The following COL19A1 variants were observed in gnomAD, a reference collection of about 807,000 sequenced individuals.
COL19A1 encodes collagen alpha-1(XIX) chain.
COL19A1 carries 159 observed loss-of-function variants against 190.2 expected under a neutral mutation model. That is an observed-to-expected ratio of 0.84 (90% CI 0.73 to 0.95). The LOEUF (loss-of-function observed/expected upper bound fraction) is 0.95, where lower values mean the gene tolerates loss of function less well. COL19A1 is among the 40% of genes least tolerant of loss of function. The pLI, the probability that COL19A1 is intolerant of heterozygous loss-of-function variation, is 0.00. For synonymous variants in COL19A1, 509 were observed against 458.9 expected, an observed-to-expected ratio of 1.11 and a Z score of -1.39; for missense variants, 1,418 against 1,431.9, an observed-to-expected ratio of 0.99 and a Z score of 0.16.
At chr6:69,880,959 T>C (rs929163592) in intron 2 of COL19A1, among the ~76,000 whole-genome samples, 1 of 152,210 alleles carries the variant, frequency 6.6e-6, no homozygotes, top group African/African-American at 2.4e-5. Context: ...GAAGGAAGAA[T>C]GAATCTTTGG....
chr6:70,146,987 A>G (rs1190840782), intron 27 of COL19A1, 98 bp downstream of exon 27: 1 of 1,060,930 alleles, frequency 9.4e-7, no homozygotes. Context: ...AAGGTCAGAG[A>G]CGGAAATACA....
intron 11 of COL19A1, among the ~76,000 whole-genome samples, chr6:69,966,312 G>A (rs1214815460): frequency 5.9e-5 from 9 of 152,142 alleles, no homozygotes; most frequent in Non-Finnish European, 4.4e-5. Flanking sequence ...TGACGATGGC[G>A]GTTTTGTGAA....
At chr6:70,166,436 T>G (rs932844189) in intron 37 of COL19A1, among the ~76,000 whole-genome samples, 7 of 152,224 alleles carry the variant, frequency 4.6e-5, no homozygotes, top group Non-Finnish European at 1.5e-5. Flanking sequence ...ATGTAGCTCT[T>G]AGTGAACAAA....
intron 11 of COL19A1, among the ~76,000 whole-genome samples, chr6:70,002,090 A>T (rs1391308984): frequency 3.9e-5 from 6 of 152,102 alleles, no homozygotes; most frequent in Non-Finnish European, 1.5e-5. Context: ...GTTGAATTTT[A>T]TCAAAAGCCA....
At chr6:69,985,449 CAG>C (rs1405443604) in intron 11 of COL19A1, among the ~76,000 whole-genome samples, 3 of 152,024 alleles carry the variant, frequency 2.0e-5, no homozygotes, top group Non-Finnish European at 4.4e-5. Flanking sequence ...AGAGATGACT[CAG>C]AGACTTTTCA....
At chr6:70,028,648 G>A (rs1435204615) in intron 12 of COL19A1, among the ~76,000 whole-genome samples, 1 of 152,152 alleles carries the variant, frequency 6.6e-6, no homozygotes, top group African/African-American at 2.4e-5. Flanking sequence ...GGAAAAACAA[G>A]AGAAGGTTAG....
chr6:69,933,874 A>G (rs1464543727), intron 7 of COL19A1, among the ~76,000 whole-genome samples: 1 of 152,120 alleles, frequency 6.6e-6, no homozygotes, highest in East Asian at 1.9e-4. Flanking sequence ...AAAAAGATAA[A>G]TGGGACAGAA....
At chr6:70,046,750 C>G (rs753953689) in intron 14 of COL19A1, among the ~76,000 whole-genome samples, 1 of 152,040 alleles carries the variant, frequency 6.6e-6, no homozygotes, top group Non-Finnish European at 1.5e-5. Flanking sequence ...CATTTCTCAG[C>G]AACTTGTTAA....
intron 15 of COL19A1, among the ~76,000 whole-genome samples, chr6:70,096,642 T>A (rs990199739): frequency 6.6e-6 from 1 of 152,206 alleles, no homozygotes; most frequent in African/African-American, 2.4e-5. Flanking sequence ...AATGAGCATT[T>A]TATTCTCAAA....
At chr6:70,135,981 T>A (rs1006513871) in intron 18 of COL19A1, among the ~76,000 whole-genome samples, 1 of 152,202 alleles carries the variant, frequency 6.6e-6, no homozygotes, top group African/African-American at 2.4e-5. Context: ...CTAGGCTGCA[T>A]GACTTGCAGT....
intron 2 of COL19A1, among the ~76,000 whole-genome samples, chr6:69,881,929 T>C (rs748986780): frequency 3.9e-5 from 6 of 152,230 alleles, no homozygotes; most frequent in Non-Finnish European, 5.9e-5. Flanking sequence ...TCTTGTGTCT[T>C]GTGTATCTGG....
chr6:70,206,708 T>A (rs769810112), intron 49 of COL19A1, among the ~76,000 whole-genome samples, 193 bp from the exon 50 acceptor site: 1 of 151,980 alleles, frequency 6.6e-6, no homozygotes, highest in Non-Finnish European at 1.5e-5. Flanking sequence ...AAGATCCTCA[T>A]TGCCCTATTA....
At chr6:69,961,085 G>A (rs1774772315) in intron 10 of COL19A1, among the ~76,000 whole-genome samples, 1 of 152,154 alleles carries the variant, frequency 6.6e-6, no homozygotes, top group Non-Finnish European at 1.5e-5. Context: ...CCCGCCGCAG[G>A]AGAGAGCATT....
chr6:70,111,739 C>T (rs2150199767), intron 16 of COL19A1, among the ~76,000 whole-genome samples: 1 of 152,248 alleles, frequency 6.6e-6, no homozygotes, highest in Admixed American at 6.5e-5. Context: ...TGTCTATAAC[C>T]ATGGTGTTCA....
chr6:70,068,373 G>A (rs770616120), intron 14 of COL19A1, 50 bp from the exon 15 acceptor site: 2 of 1,081,024 alleles, frequency 1.9e-6, no homozygotes, highest in African/African-American at 1.5e-5. Context: ...TCTTTGTGAG[G>A]CAGGTGTACT....
chr6:70,180,000 G>A (rs568931978), intron 42 of COL19A1, among the ~76,000 whole-genome samples: 4 of 151,950 alleles, frequency 2.6e-5, no homozygotes, highest in South Asian at 2.1e-4. Flanking sequence ...CTCCTGCCTC[G>A]GGCTCCCGAG....
chr6:69,910,315 A>G (rs2149985766), intron 4 of COL19A1, among the ~76,000 whole-genome samples: 2 of 152,288 alleles, frequency 1.3e-5, no homozygotes, highest in South Asian at 4.1e-4. Flanking sequence ...CAATGGTACC[A>G]CAATGACTTC....
intron 9 of COL19A1, among the ~76,000 whole-genome samples, chr6:69,956,455 C>T (rs546436191): frequency 1.1e-4 from 16 of 151,860 alleles, no homozygotes; most frequent in African/African-American, 3.1e-4. Flanking sequence ...AAAAAATTCT[C>T]CCCTTGAAAT....
chr6:70,150,025 C>T lies in COL19A1; in HGVS notation c.2017C>T (p.Pro673Ser), dbSNP rs1301215007. 6.2e-7 allele frequency: 1 copy of T among 1,613,710 alleles called. No individual in the cohort carries two copies. The highest frequency in any genetic ancestry group is 1.7e-5 in the Admixed American group (1 of 59,974). Residue 673 changes from proline to serine, a missense_variant, in exon 30 of 51, where the codon CCA becomes TCA. Pro to Ser is a moderately conservative substitution (Grantham distance 74, BLOSUM62 -1). Coordinates refer to ENST00000620364, the MANE Select transcript of COL19A1 (RefSeq NM_001858.6). ...VPGRDGKPGL[P>S]GPPGDPIALP... Reference sequence around the variant, plus strand: ...AGGGAGAGATGGAAAGCCAGGCCTGCCAGGCCCCCCAGGTGACCCGGTATG... The same window carrying T: ...AGGGAGAGATGGAAAGCCAGGCCTGTCAGGCCCCCCAGGTGACCCGGTATG...
Sources: gnomAD v4.1 joint callset for allele counts (sites outside exome capture counted in the v4.1 genomes callset) on GRCh38, gnomAD v4.1.1 for gene constraint, MANE v1.5 for transcripts, NCBI Gene and HGNC (gene_info 2026-07-23, HGNC 2026-07-21) for gene names.